The following KCNS3 variants were observed in gnomAD, a reference collection of about 807,000 sequenced individuals.
KCNS3 encodes delayed-rectifier potassium channel regulatory subunit KCNS3.
In KCNS3, 13 loss-of-function variants were observed where a neutral mutation model predicts 31.0. The observed-to-expected ratio is 0.42, with a 90% CI of 0.27 to 0.67. The LOEUF is 0.67. Among genes scored for constraint, KCNS3 ranks in the 30% least tolerant of loss-of-function variants. KCNS3 has a pLI of 0.25. For missense variants in KCNS3, 545 were observed against 622.4 expected, an observed-to-expected ratio of 0.88 and a Z score of 1.32; for synonymous variants, 238 against 241.5, an observed-to-expected ratio of 0.99 and a Z score of 0.13.
At chr2:17,911,881 C>A (rs1166189078) in intron 1 of KCNS3, among the ~76,000 whole-genome samples, 2 of 152,162 alleles carry the variant, frequency 1.3e-5, no homozygotes, top group African/African-American at 4.8e-5. Flanking sequence ...TCTCCATCTG[C>A]AAAACGAATG....
chr2:17,890,849 A>G (rs1276456646), intron 1 of KCNS3, among the ~76,000 whole-genome samples: 1 of 152,164 alleles, frequency 6.6e-6, no homozygotes, highest in African/African-American at 2.4e-5. Context: ...GGCCCATCAT[A>G]TGGTCTATCT....
At chr2:17,910,751 G>C (rs6747325) in intron 1 of KCNS3, among the ~76,000 whole-genome samples, 2 of 151,842 alleles carry the variant, frequency 1.3e-5, no homozygotes, top group African/African-American at 4.8e-5. Flanking sequence ...TTTTGTAGCC[G>C]CAGATTCTCT....
intron 2 of KCNS3, among the ~76,000 whole-genome samples, chr2:17,920,467 G>C (rs1259362407): frequency 6.6e-6 from 1 of 152,288 alleles, no homozygotes; most frequent in Admixed American, 6.5e-5. Context: ...GCGAATAAAA[G>C]GTTAATGGCT....
intron 1 of KCNS3, among the ~76,000 whole-genome samples, chr2:17,885,511 G>A (rs765574325): frequency 1.8e-4 from 27 of 152,188 alleles, no homozygotes; most frequent in African/African-American, 5.3e-4. Context: ...AAAATTTGCC[G>A]GATGGGCCAG....
chr2:17,902,293 T>G (rs951870563), intron 1 of KCNS3, among the ~76,000 whole-genome samples: 2 of 151,892 alleles, frequency 1.3e-5, no homozygotes, highest in African/African-American at 4.8e-5. Context: ...GAAAATAATT[T>G]CAAGAAGCTG....
chr2:17,929,654 C>T lies in KCNS3; in HGVS notation c.-59-1296C>T, dbSNP rs143554167. Among the ~76,000 whole-genome samples, 561 of 152,322 alleles carry T rather than the reference C, an allele frequency of 3.7e-3. 5 individuals carry two copies. The highest frequency in any genetic ancestry group is 0.031 in the Middle Eastern group (9 of 294). ...ATATAACCTCTGCTATGAAGCTTCT[C>T]CAGGTAAGGTCACTGCTTTTTTCTC... On this transcript the variant is annotated intron_variant, in intron 2 of 2. Transcript: ENST00000304101.
At chr2:17,916,365 A>AG (rs138833892) in intron 1 of KCNS3, among the ~76,000 whole-genome samples, 2,432 of 152,068 alleles carry the variant, frequency 0.016, 68 homozygotes, top group African/African-American at 0.055. Context: ...AAGAAGGAGG[A>AG]GGAGGAAGGG....
chr2:17,886,021 A>G (rs1661646631), intron 1 of KCNS3, among the ~76,000 whole-genome samples: 1 of 152,164 alleles, frequency 6.6e-6, no homozygotes, highest in Admixed American at 6.5e-5. Context: ...GCGAGACTCC[A>G]TGTCAAAAAA....
intron 1 of KCNS3, among the ~76,000 whole-genome samples, chr2:17,886,742 GTCCATCCATCCA>G (rs35391429): frequency 1.2e-3 from 178 of 146,930 alleles, no homozygotes; most frequent in African/African-American, 4.3e-3. Context: ...CCATTTAAAT[GTCCATCCATCCA>G]TCCATCCATC....
At chr2:17,919,115 ACT>A (rs1662657015) in intron 2 of KCNS3, among the ~76,000 whole-genome samples, 1 of 152,150 alleles carries the variant, frequency 6.6e-6, no homozygotes, top group South Asian at 2.1e-4. Context: ...TCACTAAATC[ACT>A]CAGCCTTCTG....
intron 1 of KCNS3, among the ~76,000 whole-genome samples, chr2:17,886,545 A>G (rs1244148517): frequency 1.3e-5 from 2 of 152,148 alleles, no homozygotes; most frequent in Admixed American, 6.5e-5. Context: ...CTCAGATGTT[A>G]CGAAGATGAG....
chr2:17,898,289 T>C (rs1662080495), intron 1 of KCNS3, among the ~76,000 whole-genome samples: 1 of 150,992 alleles, frequency 6.6e-6, no homozygotes, highest in Non-Finnish European at 1.5e-5. Context: ...CTATTCAGGC[T>C]CTTTTTTTGG....
intron 1 of KCNS3, among the ~76,000 whole-genome samples, chr2:17,902,902 T>C (rs1662220081): frequency 6.6e-6 from 1 of 152,222 alleles, no homozygotes; most frequent in Non-Finnish European, 1.5e-5. Context: ...TTGGTATTTG[T>C]TTTATGATAT....
At position 17,932,671 on chromosome 2, in the gene KCNS3, A is replaced by G; in HGVS notation, c.*187A>G. On this transcript the variant is annotated 3_prime_UTR_variant, in exon 3 of 3. Coordinates refer to ENST00000304101, the MANE Select transcript of KCNS3 (RefSeq NM_002252.5). ...TATTTTTCTCTGTGAGGTCAATTAAATGCCTTGTTCTGAAATTTATTTTTT... is the reference window on the plus strand; with the variant it reads ...TATTTTTCTCTGTGAGGTCAATTAAGTGCCTTGTTCTGAAATTTATTTTTT... 1.7e-6 allele frequency: 1 copy of G among 595,768 alleles called. No homozygotes were observed. The highest frequency in any genetic ancestry group is 2.9e-6 in the Non-Finnish European group (1 of 346,552). 36.9% of individuals were successfully genotyped at this position (595,768 alleles called of 1,614,324 possible).
intron 1 of KCNS3, among the ~76,000 whole-genome samples, chr2:17,909,542 G>A (rs753548933): frequency 1.4e-4 from 21 of 152,146 alleles, no homozygotes; most frequent in Non-Finnish European, 2.4e-4. Flanking sequence ...CTCGTCTTCT[G>A]CGTTGCTCAT....
chr2:17,885,002 A>G (rs556221839), intron 1 of KCNS3, among the ~76,000 whole-genome samples: 2 of 148,914 alleles, frequency 1.3e-5, no homozygotes, highest in South Asian at 2.1e-4. Context: ...TCTTCCTGCA[A>G]TGTTCTTTAA....
At chr2:17,907,252 G>C (rs1662345456) in intron 1 of KCNS3, among the ~76,000 whole-genome samples, 1 of 152,146 alleles carries the variant, frequency 6.6e-6, no homozygotes, top group Non-Finnish European at 1.5e-5. Context: ...TTGGTTTAAA[G>C]TCTGTTTTAT....
At chr2:17,906,223 T>G (rs1662310996) in intron 1 of KCNS3, among the ~76,000 whole-genome samples, 1 of 152,354 alleles carries the variant, frequency 6.6e-6, no homozygotes, top group Non-Finnish European at 1.5e-5. Flanking sequence ...ATCCATTTCT[T>G]CTAGATTTTC....
rs5829612 is a variant in KCNS3, at chr2:17,893,940, G to GTTTTTTTTTTTT, written c.-252+15149_-252+15160dup. ...CCCTCTGCCATGATCCCAGGAGCCA[G>GTTTTTTTTTTTT]TTTTTTTTTTTTTTTTTTTTTTTTT... is the stretch of plus-strand genomic sequence containing the variant. On this transcript the variant is annotated intron_variant, in intron 1 of 2. Coordinates refer to ENST00000304101, the MANE Select transcript of KCNS3 (RefSeq NM_002252.5). 2.8e-4 allele frequency among the ~76,000 whole-genome samples: 28 copies of GTTTTTTTTTTTT among 98,902 alleles called. 1 individual carries two copies. Among genetic ancestry groups the GTTTTTTTTTTTT allele is most frequent in the East Asian group, 1.4e-3 (3 of 2,146 alleles). The allele number at this position is 98,902 out of a possible 152,430, so 64.9% of individuals were successfully genotyped here.
Sources: gnomAD v4.1 joint callset for allele counts (sites outside exome capture counted in the v4.1 genomes callset) on GRCh38, gnomAD v4.1.1 for gene constraint, MANE v1.5 for transcripts, NCBI Gene and HGNC (gene_info 2026-07-23, HGNC 2026-07-21) for gene names.